The following STRBP variants were observed in gnomAD, a reference collection of about 807,000 sequenced individuals.
STRBP encodes the protein spermatid perinuclear RNA binding protein.
A neutral mutation model predicts 80.1 loss-of-function variants in STRBP; 13 were observed. That is an observed-to-expected ratio of 0.16 (90% CI 0.11 to 0.26). The LOEUF is 0.26. Among genes scored for constraint, STRBP ranks in the 10% least tolerant of loss-of-function variants. The pLI is 1.00. For synonymous variants in STRBP, 284 were observed against 291.2 expected (o/e 0.98, Z 0.25); for missense variants, 485 against 815.2 (o/e 0.59, Z 4.93).
chr9:123,235,584 CAAAAAAAAAAAAAAAAAAAAA>C lies in STRBP; in HGVS notation c.-165+1225_-165+1245del, dbSNP rs71390421. ...AATCTGGATGAAGAGACAAGTTCAG[CAAAAAAAAAAAAAAAAAAAAA>C]AAAAAAAAAAAGTTATCCCAGAGAG... On this transcript the variant is annotated intron_variant, in intron 2 of 18. Coordinates refer to ENST00000348403, the MANE Select transcript of STRBP (RefSeq NM_018387.5). 2.0e-3 allele frequency among the ~76,000 whole-genome samples: 72 copies of C among 36,534 alleles called. 3 individuals carry two copies. Among genetic ancestry groups the C allele is most frequent in the Non-Finnish European group, 3.7e-3 (62 of 16,984 alleles). The allele number at this position is 36,534 out of a possible 152,430, so 24.0% of individuals were successfully genotyped here.
At chr9:123,215,084 A>G (rs2039850816) in intron 2 of STRBP, among the ~76,000 whole-genome samples, 1 of 151,958 alleles carries the variant, frequency 6.6e-6, no homozygotes, top group Non-Finnish European at 1.5e-5. Flanking sequence ...TTTTTCTTAA[A>G]GAGATGGGCT....
chr9:123,244,968 C>T (rs2040769764), intron 1 of STRBP, among the ~76,000 whole-genome samples: 1 of 152,154 alleles, frequency 6.6e-6, no homozygotes, highest in African/African-American at 2.4e-5. Flanking sequence ...TACTACTTAA[C>T]TATAAAAAGG....
At chr9:123,193,042 C>G (rs1029128835) in intron 2 of STRBP, among the ~76,000 whole-genome samples, 1 of 152,166 alleles carries the variant, frequency 6.6e-6, no homozygotes, top group African/African-American at 2.4e-5. Flanking sequence ...GCAGCCACTA[C>G]GCCATCATGA....
chr9:123,197,475 G>A lies in STRBP; in HGVS notation c.-164-13177C>T, dbSNP rs549482486. Among the ~76,000 whole-genome samples, 11 of 152,064 alleles carry A rather than the reference G, an allele frequency of 7.2e-5. No homozygotes were observed. In the South Asian group the frequency reaches 2.3e-3, roughly 32 times the overall value. ...TAGTGTACACTATACCTAATGTGTAGTTTTTTGTTAATCCCAGGCTCCCCT... is the reference window on the plus strand; with the variant it reads ...TAGTGTACACTATACCTAATGTGTAATTTTTTGTTAATCCCAGGCTCCCCT... On this transcript the variant is annotated intron_variant, in intron 2 of 18. Coordinates refer to ENST00000348403, the MANE Select transcript of STRBP (RefSeq NM_018387.5).
Position 123,122,727 on chromosome 9 carries a change from G to A in STRBP, c.*2870C>T, listed in dbSNP as rs1227281683. The A allele has an allele frequency of 2.4e-5, 24 of 995,728 alleles. No homozygotes were observed. The highest frequency in any genetic ancestry group is 2.7e-5 in the Non-Finnish European group (23 of 836,692). 61.7% of individuals were successfully genotyped at this position (995,728 alleles called of 1,614,324 possible). A position where few individuals can be genotyped will look rare whatever the true frequency, so the allele number is the denominator to read the frequency against. On this transcript the variant is annotated 3_prime_UTR_variant, in exon 19 of 19. Transcript: ENST00000348403. ...CCCCGTGCAGAGGATATGGCTTCAA[G>A]GAGGACCCCTATCTCTGAGAAATTA...
intron 2 of STRBP, among the ~76,000 whole-genome samples, chr9:123,229,794 A>C (rs2488597): frequency 6.6e-6 from 1 of 152,112 alleles, no homozygotes; most frequent in South Asian, 2.1e-4. Context: ...AGGGGTCGGA[A>C]TAATCAAACA....
intron 1 of STRBP, among the ~76,000 whole-genome samples, chr9:123,252,685 A>G (rs1373360754): frequency 2.0e-5 from 3 of 152,210 alleles, no homozygotes; most frequent in East Asian, 3.8e-4. Flanking sequence ...CACACTCAAG[A>G]CATTTGTAGA....
intron 2 of STRBP, among the ~76,000 whole-genome samples, chr9:123,223,216 A>G (rs886687303): frequency 5.3e-5 from 8 of 152,188 alleles, no homozygotes; most frequent in African/African-American, 1.9e-4. Flanking sequence ...CTGGAGAAAG[A>G]GGACAGAGGT....
intron 5 of STRBP, among the ~76,000 whole-genome samples, 169 bp from the exon 6 acceptor site, chr9:123,170,215 C>T (rs1181605590): frequency 6.6e-6 from 1 of 152,162 alleles, no homozygotes; most frequent in Non-Finnish European, 1.5e-5. Context: ...ACTTTTCTCT[C>T]CTCCCAACTT....
chr9:123,193,179 T>C (rs1186119671), intron 2 of STRBP, among the ~76,000 whole-genome samples: 1 of 152,206 alleles, frequency 6.6e-6, no homozygotes, highest in Non-Finnish European at 1.5e-5. Flanking sequence ...GCTTCCTTTA[T>C]ATTTCTATTA....
chr9:123,120,499 G>T (rs1446156510), downstream of STRBP, among the ~76,000 whole-genome samples: 2 of 133,750 alleles, frequency 1.5e-5, no homozygotes, highest in East Asian at 2.7e-4. Context: ...GTGGGGGGGG[G>T]GGGGCAGGGG....
At chr9:123,230,616 A>C (rs1022929150) in intron 2 of STRBP, among the ~76,000 whole-genome samples, 31 of 152,120 alleles carry the variant, frequency 2.0e-4, no homozygotes, top group African/African-American at 7.0e-4. Context: ...AGACTACATC[A>C]CCCAATTCAT....
chr9:123,216,125 C>T (rs185840897), intron 2 of STRBP, among the ~76,000 whole-genome samples: 30 of 152,262 alleles, frequency 2.0e-4, no homozygotes, highest in African/African-American at 6.7e-4. Flanking sequence ...TGCCTTCTCC[C>T]ACAGGAAGCG....
chr9:123,189,409 T>C (rs1293341409), intron 2 of STRBP, among the ~76,000 whole-genome samples: 4 of 150,652 alleles, frequency 2.7e-5, no homozygotes, highest in Non-Finnish European at 4.4e-5. Context: ...CATGTATACA[T>C]ATGTAACTAA....
rs1253338776 is a variant in STRBP, at chr9:123,155,559, G to A, written c.1045+2453C>T. Reference sequence around the variant, plus strand: ...ACGGTAAGGACAGAAGGGAGAACACGAGGAGGATGAAGGACTATGCAATGG... The same window carrying A: ...ACGGTAAGGACAGAAGGGAGAACACAAGGAGGATGAAGGACTATGCAATGG... On this transcript the variant is annotated intron_variant, in intron 11 of 18. Transcript: ENST00000348403. Among the ~76,000 whole-genome samples the A allele has an allele frequency of 5.3e-5, 8 of 152,118 alleles. 1 individual carries two copies. Among genetic ancestry groups the A allele is most frequent in the Admixed American group, 1.3e-4 (2 of 15,262 alleles).
intron 1 of STRBP, among the ~76,000 whole-genome samples, chr9:123,245,453 G>A (rs762035331): frequency 1.3e-5 from 2 of 152,136 alleles, no homozygotes; most frequent in Admixed American, 6.5e-5. Flanking sequence ...GCAGTGGCAC[G>A]ATCTCGGCTC....
intron 6 of STRBP, among the ~76,000 whole-genome samples, chr9:123,166,649 G>T (rs143225644): frequency 6.6e-6 from 1 of 152,106 alleles, no homozygotes; most frequent in Admixed American, 6.5e-5. Context: ...AGCTACTCAG[G>T]GGGCTGAGGC....
intron 2 of STRBP, among the ~76,000 whole-genome samples, chr9:123,193,847 C>T (rs1289805672): frequency 6.6e-6 from 1 of 152,160 alleles, no homozygotes; most frequent in Non-Finnish European, 1.5e-5. Context: ...CTCTTGGCCA[C>T]ACCACATCAT....
intron 11 of STRBP, among the ~76,000 whole-genome samples, chr9:123,149,896 C>T (rs966682993): frequency 3.3e-5 from 5 of 152,256 alleles, no homozygotes; most frequent in African/African-American, 9.6e-5. Context: ...GCGCTAGACA[C>T]ATAGCAAGTA....
Sources: gnomAD v4.1 joint callset for allele counts (sites outside exome capture counted in the v4.1 genomes callset) on GRCh38, gnomAD v4.1.1 for gene constraint, MANE v1.5 for transcripts, NCBI Gene and HGNC (gene_info 2026-07-23, HGNC 2026-07-21) for gene names.